The following C10orf90 variants were observed in gnomAD, a reference collection of about 807,000 sequenced individuals.
C10orf90 encodes chromosome 10 open reading frame 90.
C10orf90 carries 56 observed loss-of-function variants against 62.5 expected under a neutral mutation model. The ratio of observed to expected loss-of-function variants is 0.90; its 90% CI spans 0.72 to 1.12. C10orf90 has a LOEUF of 1.12. Ranked by LOEUF, C10orf90 falls within the 50% of genes most tolerant of loss-of-function variation. The pLI, the probability that C10orf90 is intolerant of heterozygous loss-of-function variation, is 0.00. For missense variants in C10orf90, 970 were observed against 880.4 expected (o/e 1.10, Z -1.29); for synonymous variants, 386 against 340.4 (o/e 1.13, Z -1.47).
intron 3 of C10orf90, among the ~76,000 whole-genome samples, chr10:126,512,364 A>ACT (rs1188466004): frequency 3.8e-5 from 1 of 26,020 alleles, no homozygotes; most frequent in Non-Finnish European, 8.1e-5. Context: ...GTGTGTGTGT[A>ACT]TGTGTGTCTG....
chr10:126,639,310 T>C (rs11816034), intron 2 of C10orf90, among the ~76,000 whole-genome samples: 2,487 of 152,310 alleles, frequency 0.016, 86 homozygotes, highest in African/African-American at 0.057. Flanking sequence ...GCGCATGATG[T>C]GCGGTTGCTG....
intron 2 of C10orf90, among the ~76,000 whole-genome samples, chr10:126,609,700 G>A (rs1845391225): frequency 6.6e-6 from 1 of 152,240 alleles, no homozygotes; most frequent in African/African-American, 2.4e-5. Flanking sequence ...GTGGCTTAGA[G>A]CAGGGAGAAG....
chr10:126,476,454 G>A (rs576762662), intron 4 of C10orf90, among the ~76,000 whole-genome samples: 1 of 152,300 alleles, frequency 6.6e-6, no homozygotes, highest in Non-Finnish European at 1.5e-5. Flanking sequence ...AATAAATCAA[G>A]CCACCAAAGG....
At chr10:126,558,910 C>T (rs1363856262) in intron 2 of C10orf90, among the ~76,000 whole-genome samples, 4 of 152,220 alleles carry the variant, frequency 2.6e-5, no homozygotes, top group African/African-American at 9.6e-5. Flanking sequence ...ATCAGGCTGC[C>T]TGGGGAAATG....
chr10:126,485,656 A>T (rs189859786), intron 4 of C10orf90, among the ~76,000 whole-genome samples: 150 of 152,232 alleles, frequency 9.9e-4, no homozygotes, highest in Admixed American at 1.6e-3. Flanking sequence ...AAACCTTGGA[A>T]ATGGCCGGGC....
chr10:126,458,840 A>G (rs1000228029), intron 7 of C10orf90, among the ~76,000 whole-genome samples, 200 bp downstream of exon 7: 8 of 152,204 alleles, frequency 5.3e-5, no homozygotes, highest in Admixed American at 2.0e-4. Flanking sequence ...GCTGAGCTCA[A>G]TGCCCATATG....
At chr10:126,550,268 T>C (rs1055545911) in intron 2 of C10orf90, among the ~76,000 whole-genome samples, 1 of 151,924 alleles carries the variant, frequency 6.6e-6, no homozygotes, top group Non-Finnish European at 1.5e-5. Flanking sequence ...TATACAGCAT[T>C]CTTGACGTGA....
intron 2 of C10orf90, among the ~76,000 whole-genome samples, chr10:126,579,064 T>A (rs1162900226): frequency 1.5e-4 from 22 of 150,286 alleles, no homozygotes; most frequent in Admixed American, 5.3e-4. Context: ...AATTAAAAGT[T>A]TTTTTTTAAA....
At chr10:126,643,102 G>A (rs1846098215) in intron 2 of C10orf90, among the ~76,000 whole-genome samples, 1 of 152,242 alleles carries the variant, frequency 6.6e-6, no homozygotes, top group South Asian at 2.1e-4. Context: ...ATCAGATAGT[G>A]TATTCCAGCA....
chr10:126,512,831 T>C (rs755124001), intron 3 of C10orf90, among the ~76,000 whole-genome samples: 1 of 152,202 alleles, frequency 6.6e-6, no homozygotes, highest in African/African-American at 2.4e-5. Flanking sequence ...TAAATATTGA[T>C]GAGTAAATCT....
chr10:126,596,330 G>A (rs1845085380), intron 2 of C10orf90, among the ~76,000 whole-genome samples: 1 of 150,674 alleles, frequency 6.6e-6, no homozygotes, highest in African/African-American at 2.4e-5. Context: ...AAAATAATTG[G>A]ACTTTGCCAA....
At chr10:126,605,516 T>A (rs989904715) in intron 2 of C10orf90, among the ~76,000 whole-genome samples, 12 of 152,198 alleles carry the variant, frequency 7.9e-5, no homozygotes, top group Non-Finnish European at 1.6e-4. Flanking sequence ...GGGAAGAGCC[T>A]GTGGAAGTGG....
intron 1 of C10orf90, among the ~76,000 whole-genome samples, chr10:126,647,382 T>C (rs1167528758): frequency 6.6e-6 from 1 of 152,202 alleles, no homozygotes; most frequent in Non-Finnish European, 1.5e-5. Flanking sequence ...TGAGCTGGGC[T>C]CTAATTGTGA....
At chr10:126,509,246 T>C (rs1175192352) in intron 3 of C10orf90, among the ~76,000 whole-genome samples, 1 of 152,238 alleles carries the variant, frequency 6.6e-6, no homozygotes, top group South Asian at 2.1e-4. Context: ...AAGGTGACAC[T>C]GCTCCTGAGG....
chr10:126,615,934 C>A (rs1482902922), intron 2 of C10orf90, among the ~76,000 whole-genome samples: 2 of 152,208 alleles, frequency 1.3e-5, no homozygotes, highest in African/African-American at 4.8e-5. Flanking sequence ...CCCATCAGGC[C>A]ACCATCACCT....
At chr10:126,556,480 A>G (rs1247584506) in intron 2 of C10orf90, among the ~76,000 whole-genome samples, 1 of 152,256 alleles carries the variant, frequency 6.6e-6, no homozygotes, top group Non-Finnish European at 1.5e-5. Flanking sequence ...ATTTTCCTTC[A>G]TTGCTTATTT....
At chr10:126,447,483 AACAAT>A (rs1305292983) in intron 7 of C10orf90, among the ~76,000 whole-genome samples, 2 of 152,194 alleles carry the variant, frequency 1.3e-5, no homozygotes, top group African/African-American at 4.8e-5. Flanking sequence ...AAGTGGATAT[AACAAT>A]TACAAATATA....
chr10:126,647,883 G>A lies in C10orf90; in HGVS notation c.241-1246C>T, dbSNP rs115385051. On this transcript the variant is annotated intron_variant, in intron 1 of 9. Transcript: ENST00000488181. ...ACAGGCCAAGGTCACCTAGCTGGAT[G>A]TGATGGAGCCAGGAATCAGATTGGG... is the stretch of plus-strand genomic sequence containing the variant. Among the ~76,000 whole-genome samples the A allele has an allele frequency of 3.1e-3, 473 of 152,350 alleles. 4 individuals are homozygous for A. Among genetic ancestry groups the A allele is most frequent in the African/African-American group, 0.011 (458 of 41,588 alleles).
chr10:126,581,816 T>C (rs1267180493), intron 2 of C10orf90, among the ~76,000 whole-genome samples: 1 of 152,204 alleles, frequency 6.6e-6, no homozygotes, highest in East Asian at 1.9e-4. Context: ...TGCAGACATG[T>C]GACTCAGATG....
Sources: allele counts gnomAD v4.1 joint callset (sites outside exome capture counted in the v4.1 genomes callset), GRCh38; gene constraint gnomAD v4.1.1; transcripts MANE v1.5; gene names NCBI Gene and HGNC (gene_info 2026-07-23, HGNC 2026-07-21).